ZNF451: variants seen among roughly 807,000 people sequenced by gnomAD.
The protein encoded by ZNF451 is zinc finger protein 451.
Under a neutral mutation model 107.1 loss-of-function variants are expected in ZNF451, and 80 were observed. That is an observed-to-expected ratio of 0.75 (90% confidence interval 0.62 to 0.90). The LOEUF is 0.90. Ranked by LOEUF, ZNF451 falls within the 40% of genes least tolerant of loss-of-function variation. The pLI is 0.00. For synonymous variants in ZNF451, 362 were observed against 406.5 expected, an observed-to-expected ratio of 0.89 and a Z score of 1.32; for missense variants, 1,107 against 1,236.2, an observed-to-expected ratio of 0.90 and a Z score of 1.57.
chr6:57,116,760 T>G (rs905633662), intron 3 of ZNF451: 13 of 152,126 alleles, frequency 8.5e-5, no homozygotes, highest in Non-Finnish European at 1.9e-4. Context: ...CTCCCAAATC[T>G]GTTTTCAGTA....
At chr6:57,092,161 T>C (rs565091917) in intron 2 of ZNF451, among the ~76,000 whole-genome samples, 1 of 152,212 alleles carries the variant, frequency 6.6e-6, no homozygotes, top group Non-Finnish European at 1.5e-5. Flanking sequence ...TTATGGTGTT[T>C]AGTAGAAATA....
chr6:57,149,830 CT>C (rs11455525), intron 10 of ZNF451, among the ~76,000 whole-genome samples: 1 of 150,640 alleles, frequency 6.6e-6, no homozygotes, highest in South Asian at 2.1e-4. Context: ...CTTCTGTTTA[CT>C]TTTTTTTTGG....
chr6:57,113,540 T>G (rs1830209827), intron 3 of ZNF451, among the ~76,000 whole-genome samples: 1 of 152,030 alleles, frequency 6.6e-6, no homozygotes, highest in Non-Finnish European at 1.5e-5. Context: ...CGATGAGTGA[T>G]GTATGAAGAA....
intron 3 of ZNF451, chr6:57,109,242 T>C (rs944044984): frequency 1.0e-6 from 1 of 985,438 alleles, no homozygotes; most frequent in Non-Finnish European, 1.2e-6. Context: ...TTAATCGTAT[T>C]GCTTGAGTTT....
intron 13 of ZNF451, chr6:57,159,132 TG>T (rs1244787792): frequency 1.0e-6 from 1 of 985,272 alleles, no homozygotes; most frequent in Non-Finnish European, 1.2e-6. Context: ...ATTAATTCCA[TG>T]CAAAGGTACT....
intron 14 of ZNF451, among the ~76,000 whole-genome samples, chr6:57,163,595 C>T (rs1269779110): frequency 2.1e-4 from 32 of 149,954 alleles, no homozygotes; most frequent in African/African-American, 4.4e-4. Flanking sequence ...GGACTACAGG[C>T]GCCCGCCACC....
chr6:57,155,471 A>T lies in ZNF451; in HGVS notation c.3070+1424A>T, dbSNP rs575830784. Reference sequence around the variant, plus strand: ...ATTGCGCTCCAGCCTGGGCAATAAGACCAAAAACTTCGTCTCAAACAAAAA... The same window carrying T: ...ATTGCGCTCCAGCCTGGGCAATAAGTCCAAAAACTTCGTCTCAAACAAAAA... On this transcript the variant is annotated intron_variant, in intron 13 of 14. Transcript: ENST00000370706. Among the ~76,000 whole-genome samples the T allele has an allele frequency of 2.6e-5, 4 of 152,278 alleles. No individual in the cohort carries two copies. The East Asian group carries it at 7.7e-4, about 29-fold the overall frequency.
intron 2 of ZNF451, 86 bp from the exon 3 acceptor site, chr6:57,098,975 C>A: frequency 1.9e-6 from 2 of 1,041,446 alleles, no homozygotes; most frequent in South Asian, 2.8e-5. Context: ...CTTGCCAGTC[C>A]CAACCAAAAA....
At chr6:57,102,097 T>C in intron 3 of ZNF451, 1 of 1,495,594 alleles carries the variant, frequency 6.7e-7, no homozygotes, top group Middle Eastern at 1.8e-4. Context: ...CAAGAATTAA[T>C]AACCTGTTTA....
chr6:57,131,045 G>C (rs952109959), intron 5 of ZNF451, among the ~76,000 whole-genome samples: 1 of 152,136 alleles, frequency 6.6e-6, no homozygotes, highest in East Asian at 1.9e-4. Flanking sequence ...CTGGGGAATA[G>C]AGAGGAATCA....
intron 3 of ZNF451, chr6:57,105,718 G>T: frequency 1.0e-6 from 1 of 985,238 alleles, no homozygotes; most frequent in Non-Finnish European, 1.2e-6. Flanking sequence ...TGATTGTCTC[G>T]TATCTAACCT....
Position 57,124,752 on chromosome 6 carries a change from G to T in ZNF451, c.205G>T (p.Asp69Tyr), listed in dbSNP as rs1738902399. Residue 69 changes from aspartate to tyrosine, a missense_variant, in exon 4 of 15, where the codon GAC becomes TAC. Asp to Tyr is a radical substitution (Grantham distance 160). This residue lies in a region of ZNF451 where 339 missense variants were observed against 372.8 expected (regional missense o/e 0.91). Transcript: ENST00000370706. ...GTTATAGGAGAATATTAAACGTAAA[G>T]ACCATATTGATTATCAGAAGGATAA... is the stretch of plus-strand genomic sequence containing the variant. ...SYTDENIKRK[D>Y]HIDYQKDKVA... The T allele has an allele frequency of 1.3e-6, 2 of 1,592,202 alleles. No homozygotes were observed. Among genetic ancestry groups the T allele is most frequent in the South Asian group, 1.1e-5 (1 of 89,988 alleles).
In ZNF451 at chr6:57,148,022, A is replaced by G. The variant is rs570671224; in HGVS notation, c.1937A>G (p.His646Arg). ...TGTGCTCACTGCAGAAAGCCTTTTCATAAGATAGAAACATTGTACCGACAT... is the reference window on the plus strand; with the variant it reads ...TGTGCTCACTGCAGAAAGCCTTTTCGTAAGATAGAAACATTGTACCGACAT... ...YSCAHCRKPF[H>R]KIETLYRHCQ... The change falls in exon 10 of 15, where the codon CAT (histidine) becomes CGT (arginine). Residue 646 changes from histidine (H) to arginine (R), a missense_variant. Physicochemically the swap from His to Arg is conservative, Grantham distance 29. Coordinates refer to ENST00000370706, the MANE Select transcript of ZNF451 (RefSeq NM_001031623.3). The G allele has an allele frequency of 3.1e-5, 50 of 1,614,136 alleles. No individual in the cohort carries two copies. The highest frequency in any genetic ancestry group is 4.1e-5 in the Non-Finnish European group (48 of 1,179,972).
intron 13 of ZNF451, chr6:57,159,428 G>A: frequency 4.1e-6 from 4 of 984,074 alleles, no homozygotes; most frequent in Non-Finnish European, 4.8e-6. Context: ...TTTAGAGCAA[G>A]CTTGTCTAAC....
chr6:57,101,504 C>T (rs1258442983), intron 3 of ZNF451: 3 of 1,550,904 alleles, frequency 1.9e-6, no homozygotes, highest in Admixed American at 2.0e-5. Flanking sequence ...ACAACATCCC[C>T]TCTAGATTCT....
At chr6:57,143,529 T>C (rs1031385575) in intron 9 of ZNF451, among the ~76,000 whole-genome samples, 1 of 152,232 alleles carries the variant, frequency 6.6e-6, no homozygotes. Context: ...TTTGGATCTT[T>C]GTTTTCAATA....
intron 14 of ZNF451, chr6:57,165,374 T>C (rs148649989): frequency 2.1e-4 from 32 of 152,212 alleles, no homozygotes; most frequent in African/African-American, 7.0e-4. Context: ...CACTTGATGA[T>C]GTCCCACAGG....
intron 9 of ZNF451, among the ~76,000 whole-genome samples, chr6:57,146,487 T>C (rs1309290641): frequency 6.6e-6 from 1 of 152,200 alleles, no homozygotes; most frequent in Non-Finnish European, 1.5e-5. Flanking sequence ...TGCATATGGC[T>C]GTCAAGTTTT....
At chr6:57,115,538 C>T (rs966057326) in intron 3 of ZNF451, 4 of 152,000 alleles carry the variant, frequency 2.6e-5, no homozygotes, top group East Asian at 1.9e-4. Context: ...AGGATACAAC[C>T]GAAATTTGCT....
Sources: allele counts gnomAD v4.1 joint callset (sites outside exome capture counted in the v4.1 genomes callset), GRCh38; gene constraint gnomAD v4.1.1; regional missense constraint gnomAD v4.1.1; transcripts MANE v1.5; gene names NCBI Gene and HGNC (gene_info 2026-07-23, HGNC 2026-07-21).